DISC1: variants seen among roughly 807,000 people sequenced by gnomAD.
DISC1 encodes the protein disrupted in schizophrenia 1 protein.
A neutral mutation model predicts 84.5 loss-of-function variants in DISC1; 57 were observed. The observed-to-expected ratio is 0.67, with a 90% CI of 0.55 to 0.84. The LOEUF (loss-of-function observed/expected upper bound fraction) is 0.84. Among genes scored for constraint, DISC1 ranks in the 40% least tolerant of loss-of-function variants. The probability of loss-of-function intolerance (pLI) is 0.00; values close to 1 mark genes in which losing one functional copy is unlikely to be tolerated. For synonymous variants in DISC1, 411 were observed against 415.2 expected, an observed-to-expected ratio of 0.99 and a Z score of 0.12; for missense variants, 1,000 against 1,057.8, an observed-to-expected ratio of 0.95 and a Z score of 0.76.
chr1:232,010,246 A>G (rs913460828), intron 11 of DISC1, among the ~76,000 whole-genome samples: 9 of 152,184 alleles, frequency 5.9e-5, no homozygotes, highest in African/African-American at 1.4e-4. Context: ...CTGGTCTCCA[A>G]TGCTCTGGGT....
chr1:232,019,392 TGACAA>T (rs1195548805), intron 11 of DISC1, among the ~76,000 whole-genome samples: 3 of 152,222 alleles, frequency 2.0e-5, no homozygotes, highest in Non-Finnish European at 4.4e-5. Context: ...AAGGACCGCC[TGACAA>T]GACAAATTAC....
intron 12 of DISC1, among the ~76,000 whole-genome samples, chr1:232,032,859 A>G (rs201825630): frequency 3.3e-5 from 5 of 152,254 alleles, no homozygotes; most frequent in Admixed American, 6.5e-5. Flanking sequence ...GTCAAGGTCA[A>G]GTGTTTCAAT....
chr1:231,784,459 G>T (rs113417052), intron 6 of DISC1, among the ~76,000 whole-genome samples: 1 of 152,122 alleles, frequency 6.6e-6, no homozygotes, highest in Non-Finnish European at 1.5e-5. Context: ...ATAACTAAAC[G>T]TTCAAGTATT....
intron 9 of DISC1, among the ~76,000 whole-genome samples, chr1:231,871,212 A>G (rs1245220467): frequency 6.6e-6 from 1 of 152,172 alleles, no homozygotes; most frequent in African/African-American, 2.4e-5. Flanking sequence ...GGACTAGGCT[A>G]CAAATGCATA....
At chr1:231,758,760 G>A (rs2075373051) in intron 4 of DISC1, among the ~76,000 whole-genome samples, 1 of 152,144 alleles carries the variant, frequency 6.6e-6, no homozygotes, top group African/African-American at 2.4e-5. Context: ...AAGAGAGAGA[G>A]TTGGCCTACT....
At chr1:231,798,113 C>CCACACACACACACACACACACACACA (rs113265676) in intron 7 of DISC1, among the ~76,000 whole-genome samples, 6 of 147,074 alleles carry the variant, frequency 4.1e-5, no homozygotes, top group African/African-American at 1.5e-4. Context: ...GTTAGACACA[C>CCACACACACACACACACACACACACA]CACACACACA....
chr1:231,927,601 T>C (rs2090425386), intron 9 of DISC1, among the ~76,000 whole-genome samples: 1 of 152,194 alleles, frequency 6.6e-6, no homozygotes, highest in African/African-American at 2.4e-5. Flanking sequence ...GGGTTGCCCT[T>C]CATTGTGTTC....
chr1:232,028,813 A>G (rs1669723199), intron 12 of DISC1, among the ~76,000 whole-genome samples: 1 of 152,202 alleles, frequency 6.6e-6, no homozygotes, highest in Admixed American at 6.5e-5. Flanking sequence ...ACTATTTTGT[A>G]ATAAATGCTT....
At chr1:231,762,189 CTTTCT>C (rs142821469) in intron 4 of DISC1, among the ~76,000 whole-genome samples, 344 of 123,276 alleles carry the variant, frequency 2.8e-3, no homozygotes, top group South Asian at 3.9e-3. Context: ...TCCTTCTTTT[CTTTCT>C]TTTCTTTTCT....
intron 3 of DISC1, among the ~76,000 whole-genome samples, chr1:231,716,260 T>C (rs1413474794): frequency 6.6e-6 from 1 of 151,504 alleles, no homozygotes; most frequent in Admixed American, 6.6e-5. Context: ...ATTTGGCTTC[T>C]TTTCTGTTTG....
chr1:231,882,520 C>T (rs2086363754), intron 9 of DISC1, among the ~76,000 whole-genome samples: 1 of 152,190 alleles, frequency 6.6e-6, no homozygotes, highest in African/African-American at 2.4e-5. Context: ...TCTCACTTCT[C>T]CTTACATAAA....
intron 9 of DISC1, among the ~76,000 whole-genome samples, chr1:231,857,689 T>C (rs1399605103): frequency 6.6e-6 from 1 of 152,240 alleles, no homozygotes; most frequent in Non-Finnish European, 1.5e-5. Flanking sequence ...ATCTTGAAGT[T>C]AGCTGAAGTC....
At position 231,811,816 on chromosome 1, in the gene DISC1, G is replaced by A. The variant is rs147669624; in HGVS notation, c.1793-6513G>A. Among the ~76,000 whole-genome samples the A allele has an allele frequency of 4.9e-4, 74 of 152,272 alleles. No homozygotes were observed. In the Middle Eastern group the frequency reaches 0.017, roughly 35 times the overall value. ...AAACAAGTTCAAGTTCAGCAATCTC[G>A]CATGGGATCTTAGAACTCTGAAACT... On this transcript the variant is annotated intron_variant, in intron 8 of 12. Coordinates refer to ENST00000439617, the MANE Select transcript of DISC1 (RefSeq NM_018662.3).
At position 231,949,010 on chromosome 1, in the gene DISC1, C is replaced by T. The variant is rs576150201; in HGVS notation, c.1982-9818C>T. On this transcript the variant is annotated intron_variant, in intron 9 of 12. Transcript: ENST00000439617. ...TCAGCCTTCTGAGTAGCTGGCATTA[C>T]AGGTGCGTGCCACCACGCCCAGCTA... is the stretch of plus-strand genomic sequence containing the variant. Among the ~76,000 whole-genome samples the T allele has an allele frequency of 2.1e-4, 32 of 152,006 alleles. No individual in the cohort carries two copies. The South Asian group carries it at 6.0e-3, about 29-fold the overall frequency.
intron 1 of DISC1, among the ~76,000 whole-genome samples, chr1:231,670,081 C>G (rs1376865045): frequency 1.3e-5 from 2 of 152,000 alleles, no homozygotes; most frequent in Non-Finnish European, 2.9e-5. Flanking sequence ...GAGCGGGAGG[C>G]CATTATCCTT....
chr1:231,962,596 C>A (rs1660539543), intron 10 of DISC1, among the ~76,000 whole-genome samples: 1 of 152,140 alleles, frequency 6.6e-6, no homozygotes, highest in South Asian at 2.1e-4. Flanking sequence ...GGTATAAAAG[C>A]TGAGAATTTC....
chr1:231,688,266 C>A (rs547096233), intron 1 of DISC1, among the ~76,000 whole-genome samples: 71 of 152,046 alleles, frequency 4.7e-4, no homozygotes, highest in African/African-American at 1.7e-3. Flanking sequence ...TGGACAATGG[C>A]GTGTGGGTTT....
At chr1:231,949,731 C>G (rs1039967312) in intron 9 of DISC1, among the ~76,000 whole-genome samples, 5 of 152,142 alleles carry the variant, frequency 3.3e-5, no homozygotes, top group African/African-American at 1.2e-4. Flanking sequence ...CTCAGACCAC[C>G]CATCAGACCC....
intron 8 of DISC1, among the ~76,000 whole-genome samples, chr1:231,805,794 A>G (rs1459682075): frequency 6.6e-6 from 1 of 152,200 alleles, no homozygotes; most frequent in African/African-American, 2.4e-5. Context: ...GATCCAAACC[A>G]TATCACTAGT....
Sources: allele counts gnomAD v4.1 joint callset (sites outside exome capture counted in the v4.1 genomes callset), GRCh38; gene constraint gnomAD v4.1.1; transcripts MANE v1.5; gene names NCBI Gene and HGNC (gene_info 2026-07-23, HGNC 2026-07-21).